CELF4: variants seen among roughly 807,000 people sequenced by gnomAD.
CELF4 encodes the protein CUGBP Elav-like family member 4.
Under a neutral mutation model 59.9 loss-of-function variants are expected in CELF4, and 18 were observed. That is an observed-to-expected ratio of 0.30 (90% confidence interval 0.21 to 0.45). The LOEUF (loss-of-function observed/expected upper bound fraction) is 0.45, where lower values mean the gene tolerates loss of function less well. Among genes scored for constraint, CELF4 ranks in the 20% least tolerant of loss-of-function variants. The pLI, the probability that CELF4 is intolerant of heterozygous loss-of-function variation, is 1.00. For synonymous variants in CELF4, 261 were observed against 267.1 expected (o/e 0.98, Z 0.22); for missense variants, 456 against 689.0 (o/e 0.66, Z 3.79).
chr18:37,416,358 C>T (rs2099528978), intron 2 of CELF4, among the ~76,000 whole-genome samples: 1 of 151,582 alleles, frequency 6.6e-6, no homozygotes. Context: ...CAGAACCCAG[C>T]TCCTGGGTTT....
rs146105785 is a variant in CELF4 at position 37,293,736 on chromosome 18, G to T, written c.449-18493C>A. Among the ~76,000 whole-genome samples, 405 of 152,202 alleles carry T rather than the reference G, an allele frequency of 2.7e-3. 4 individuals carry two copies. Among genetic ancestry groups the T allele is most frequent in the African/African-American group, 9.5e-3 (393 of 41,534 alleles). Reference sequence around the variant, plus strand: ...CAGGGACTGGCTATTAGAAATCTATGGTATCCTAAGAGGTTATCTGATGGG... The same window carrying T: ...CAGGGACTGGCTATTAGAAATCTATTGTATCCTAAGAGGTTATCTGATGGG... On this transcript the variant is annotated intron_variant, in intron 3 of 12. Coordinates refer to ENST00000420428, the MANE Select transcript of CELF4 (RefSeq NM_020180.4).
intron 2 of CELF4, among the ~76,000 whole-genome samples, chr18:37,377,123 G>T (rs1262711264): frequency 6.6e-6 from 1 of 151,856 alleles, no homozygotes; most frequent in East Asian, 1.9e-4. Context: ...AGGAGAGAGA[G>T]AAAAAGGAGA....
chr18:37,312,356 C>T (rs2096706467), intron 3 of CELF4, among the ~76,000 whole-genome samples: 1 of 152,114 alleles, frequency 6.6e-6, no homozygotes. Flanking sequence ...AATCCTTCAG[C>T]CCTTCCTAAA....
chr18:37,402,119 T>C (rs1250393765), intron 2 of CELF4, among the ~76,000 whole-genome samples: 2 of 152,200 alleles, frequency 1.3e-5, no homozygotes, highest in Non-Finnish European at 2.9e-5. Context: ...CTGGGCTTCC[T>C]TCCTTTTTTA....
intron 3 of CELF4, among the ~76,000 whole-genome samples, chr18:37,297,425 G>A (rs1569545326): frequency 1.3e-5 from 2 of 152,164 alleles, no homozygotes; most frequent in African/African-American, 2.4e-5. Context: ...CGGTCCTCCC[G>A]CAGCAGCTGG....
chr18:37,380,237 C>G (rs1198443977), intron 2 of CELF4, among the ~76,000 whole-genome samples: 1 of 152,150 alleles, frequency 6.6e-6, no homozygotes, highest in African/African-American at 2.4e-5. Flanking sequence ...TCTTGACAAG[C>G]ACCACTCCCC....
chr18:37,502,678 C>T (rs1035433340), intron 1 of CELF4, among the ~76,000 whole-genome samples: 1 of 152,154 alleles, frequency 6.6e-6, no homozygotes, highest in Non-Finnish European at 1.5e-5. Flanking sequence ...CCTTCTTTCC[C>T]TCCCTGATCT....
chr18:37,485,294 T>C (rs1395996531), intron 2 of CELF4, among the ~76,000 whole-genome samples: 2 of 151,636 alleles, frequency 1.3e-5, no homozygotes, highest in African/African-American at 4.8e-5. Context: ...CGCCCCAGGC[T>C]GCCCGCGCAG....
At chr18:37,453,335 T>C (rs972297559) in intron 2 of CELF4, among the ~76,000 whole-genome samples, 5 of 152,352 alleles carry the variant, frequency 3.3e-5, no homozygotes, top group Admixed American at 6.5e-5. Flanking sequence ...TGTGGGGTAC[T>C]CCCTAACCTT....
intron 2 of CELF4, among the ~76,000 whole-genome samples, chr18:37,437,700 T>A (rs1050336657): frequency 2.0e-5 from 3 of 152,190 alleles, no homozygotes; most frequent in Admixed American, 1.3e-4. Flanking sequence ...CCTGGCTGCC[T>A]CTATTTCCCA....
At chr18:37,556,759 C>T (rs944770390) in intron 1 of CELF4, among the ~76,000 whole-genome samples, 1 of 152,112 alleles carries the variant, frequency 6.6e-6, no homozygotes, top group Admixed American at 6.5e-5. Context: ...TTTGGATCCT[C>T]AGACATAGTG....
intron 2 of CELF4, among the ~76,000 whole-genome samples, chr18:37,376,919 G>C (rs1482271673): frequency 6.6e-6 from 1 of 152,090 alleles, no homozygotes; most frequent in Non-Finnish European, 1.5e-5. Context: ...GGTACACCTG[G>C]GTTAATAATG....
At chr18:37,508,719 G>A (rs867995310) in intron 1 of CELF4, among the ~76,000 whole-genome samples, 1 of 152,220 alleles carries the variant, frequency 6.6e-6, no homozygotes, top group Non-Finnish European at 1.5e-5. Flanking sequence ...GGGGCCTGAA[G>A]CCCCCCTTGC....
At chr18:37,375,468 G>A (rs1326501885) in intron 2 of CELF4, among the ~76,000 whole-genome samples, 1 of 152,146 alleles carries the variant, frequency 6.6e-6, no homozygotes, top group African/African-American at 2.4e-5. Flanking sequence ...TGGGATAAAT[G>A]CCTGAACCAC....
intron 1 of CELF4, among the ~76,000 whole-genome samples, chr18:37,527,420 A>G (rs2099965147): frequency 6.6e-6 from 1 of 152,152 alleles, no homozygotes; most frequent in African/African-American, 2.4e-5. Context: ...TAAATTAATT[A>G]GAACCCTCCA....
At chr18:37,564,517 G>A (rs2154606423) in intron 1 of CELF4, among the ~76,000 whole-genome samples, 1 of 152,226 alleles carries the variant, frequency 6.6e-6, no homozygotes, top group South Asian at 2.1e-4. Flanking sequence ...CTTCAAGGGA[G>A]AAATAATGTA....
chr18:37,420,954 G>A (rs1393242574), intron 2 of CELF4, among the ~76,000 whole-genome samples: 1 of 152,170 alleles, frequency 6.6e-6, no homozygotes, highest in Non-Finnish European at 1.5e-5. Context: ...TCCAATTCAG[G>A]TAAGAACTTG....
At chr18:37,403,141 C>G (rs2099349308) in intron 2 of CELF4, among the ~76,000 whole-genome samples, 1 of 150,876 alleles carries the variant, frequency 6.6e-6, no homozygotes. Flanking sequence ...GGGAGACAGG[C>G]AGAGAGAGAA....
chr18:37,491,243 G>A (rs1207363097), intron 1 of CELF4, among the ~76,000 whole-genome samples: 2 of 146,442 alleles, frequency 1.4e-5, no homozygotes, highest in East Asian at 2.0e-4. Context: ...CCGAGAGGAC[G>A]CCGTGCCCAC....
Sources: allele counts gnomAD v4.1 joint callset (sites outside exome capture counted in the v4.1 genomes callset), GRCh38; gene constraint gnomAD v4.1.1; transcripts MANE v1.5; gene names NCBI Gene and HGNC (gene_info 2026-07-23, HGNC 2026-07-21).